PIKFYVE: variants seen among roughly 807,000 people sequenced by gnomAD.
PIKFYVE encodes phosphoinositide kinase, FYVE-type zinc finger containing.
In PIKFYVE, 122 loss-of-function variants were observed where a neutral mutation model predicts 257.9. That is an observed-to-expected ratio of 0.47 (90% CI 0.41 to 0.55). The LOEUF is 0.55. Ranked by LOEUF, PIKFYVE falls within the 20% of genes least tolerant of loss-of-function variation. The pLI is 0.00. For missense variants in PIKFYVE, 2,160 were observed against 2,536.6 expected (o/e 0.85, Z 3.19); for synonymous variants, 892 against 868.9 (o/e 1.03, Z -0.47).
Position 208,357,732 on chromosome 2 carries a change from T to A in PIKFYVE, c.*2427T>A, listed in dbSNP as rs1417787606. 6.6e-6 allele frequency: 1 copy of A among 152,232 alleles called. No individual in the cohort carries two copies. Among genetic ancestry groups the A allele is most frequent in the East Asian group, 1.9e-4 (1 of 5,206 alleles). 9.4% of individuals were successfully genotyped at this position (152,232 alleles called of 1,614,324 possible). A position where few individuals can be genotyped will look rare whatever the true frequency, so the allele number is the denominator to read the frequency against. ...CATAGATATATTTCAAATATTGTAC[T>A]ACTCAGTGTTAAGTATTGAATGACT... On this transcript the variant is annotated 3_prime_UTR_variant, in exon 42 of 42. Transcript: ENST00000264380.
chr2:208,315,982 G>A (rs1164098934), intron 15 of PIKFYVE, among the ~76,000 whole-genome samples: 2 of 149,754 alleles, frequency 1.3e-5, no homozygotes, highest in Non-Finnish European at 3.0e-5. Context: ...CCATTAACTC[G>A]TCATTTAGCA....
At chr2:208,309,710 G>A (rs951095578) in intron 12 of PIKFYVE, among the ~76,000 whole-genome samples, 2 of 152,232 alleles carry the variant, frequency 1.3e-5, no homozygotes, top group African/African-American at 4.8e-5. Flanking sequence ...GTAGTTGGGA[G>A]TAGTGAACTT....
At position 208,304,829 on chromosome 2, in the gene PIKFYVE, C is replaced by T. The variant is rs763642433; in HGVS notation, c.1469-17C>T. 5 of 1,611,434 alleles carry T rather than the reference C, an allele frequency of 3.1e-6. No homozygotes were observed. The South Asian group carries it at 4.4e-5, about 14-fold the overall frequency. ...CCTCCTCTCCCTATATTTCTTTCCC[C>T]TTCCCAACACTAAAAGATTCTGCCA... On this transcript the variant is annotated splice_polypyrimidine_tract_variant and intron_variant, in intron 11 of 41. Transcript: ENST00000264380.
intron 12 of PIKFYVE, among the ~76,000 whole-genome samples, chr2:208,307,558 A>G (rs574450863): frequency 1.9e-4 from 26 of 139,562 alleles, no homozygotes; most frequent in African/African-American, 6.5e-4. Context: ...CTAGATGACT[A>G]TAGTGATAGA....
chr2:208,319,057 G>C (rs573782751), intron 16 of PIKFYVE, among the ~76,000 whole-genome samples: 1 of 151,282 alleles, frequency 6.6e-6, no homozygotes, highest in African/African-American at 2.4e-5. Flanking sequence ...CTCAAACCTT[G>C]CTGTGCTTCA....
chr2:208,316,709 A>G (rs1171607317), intron 15 of PIKFYVE, among the ~76,000 whole-genome samples: 1 of 152,254 alleles, frequency 6.6e-6, no homozygotes, highest in African/African-American at 2.4e-5. Flanking sequence ...AGCTGGAGGC[A>G]TCACGCTACC....
chr2:208,285,614 C>T (rs1460646540), intron 5 of PIKFYVE, 112 bp from the exon 6 acceptor site: 10 of 859,696 alleles, frequency 1.2e-5, no homozygotes, highest in East Asian at 2.5e-5. Flanking sequence ...AAGACATTTC[C>T]GTTATTAGAT....
intron 21 of PIKFYVE, among the ~76,000 whole-genome samples, 187 bp from the exon 22 acceptor site, chr2:208,329,655 A>G (rs1697293181): frequency 6.6e-6 from 1 of 152,224 alleles, no homozygotes; most frequent in Non-Finnish European, 1.5e-5. Flanking sequence ...AGTGAAAAAG[A>G]TGCTTTAGTG....
intron 34 of PIKFYVE, among the ~76,000 whole-genome samples, chr2:208,347,096 G>A (rs1004155814): frequency 4.6e-5 from 7 of 152,140 alleles, no homozygotes; most frequent in African/African-American, 1.4e-4. Context: ...ACCCCACCCC[G>A]CTCCCCTCTT....
intron 17 of PIKFYVE, among the ~76,000 whole-genome samples, chr2:208,323,845 T>A (rs557573640): frequency 2.6e-5 from 4 of 152,372 alleles, no homozygotes. Context: ...TTGATTTGCA[T>A]TTCTCTGATG....
intron 28 of PIKFYVE, among the ~76,000 whole-genome samples, chr2:208,337,152 A>T (rs1383342856): frequency 6.6e-6 from 1 of 152,168 alleles, no homozygotes; most frequent in Non-Finnish European, 1.5e-5. Context: ...AAATGTTTAT[A>T]AAAGCTACAG....
rs754669277 is a variant in PIKFYVE at position 208,336,198 on chromosome 2, C to T, written c.4518C>T (p.Asn1506=). The T allele has an allele frequency of 5.0e-6, 8 of 1,613,908 alleles. No homozygotes were observed. The highest frequency in any genetic ancestry group is 5.1e-6 in the Non-Finnish European group (6 of 1,179,940). Residue 1506 remains asparagine, a splice_region_variant and synonymous_variant, in exon 27 of 42, where the codon AAC becomes AAT. Transcript: ENST00000264380. The part of the protein sequence containing the change: ...SLCEVLQAWN[N]RLQDLFQQEK... ...GTGAAGTGCTGCAAGCTTGGAATAA[C>T]AGGTGTGATTTTGCAGTCTGGTTTT...
At position 208,328,297 on chromosome 2, in the gene PIKFYVE, C is replaced by A; in HGVS notation, c.3719+17C>A. On this transcript the variant is annotated intron_variant, in intron 21 of 41. Transcript: ENST00000264380. ...CAGTCCTTGGTAGGATTCTTTTCCC[C>A]CTACACTATTCCACATAAGAACAGA... 1 of 1,613,248 alleles carries A rather than the reference C, an allele frequency of 6.2e-7. No homozygotes were observed. The highest frequency in any genetic ancestry group is 8.5e-7 in the Non-Finnish European group (1 of 1,179,588).
chr2:208,273,479 C>T (rs761830669), intron 2 of PIKFYVE, 105 bp from the exon 3 acceptor site: 86 of 1,311,476 alleles, frequency 6.6e-5, no homozygotes, highest in Middle Eastern at 4.7e-4. Flanking sequence ...TTTTTAGTTA[C>T]GCATATAATA....
chr2:208,287,689 C>T (rs1167584477), intron 6 of PIKFYVE, among the ~76,000 whole-genome samples: 1 of 152,134 alleles, frequency 6.6e-6, no homozygotes, highest in Non-Finnish European at 1.5e-5. Context: ...CAACCTCCGC[C>T]TCCCAGGTTC....
intron 35 of PIKFYVE, 98 bp downstream of exon 35, chr2:208,348,121 CT>C: frequency 4.1e-6 from 6 of 1,451,824 alleles, no homozygotes; most frequent in Non-Finnish European, 5.7e-6. Flanking sequence ...ATTCTTAGTG[CT>C]GAAACTGGGG....
At chr2:208,347,791 C>T in intron 34 of PIKFYVE, 68 bp from the exon 35 acceptor site, 1 of 1,374,846 alleles carries the variant, frequency 7.3e-7, no homozygotes, top group Non-Finnish European at 1.0e-6. Context: ...AAGAAATGAG[C>T]TGAAAATTTT....
chr2:208,302,878 G>A (rs1426173097), intron 10 of PIKFYVE, among the ~76,000 whole-genome samples: 2 of 152,046 alleles, frequency 1.3e-5, no homozygotes, highest in East Asian at 3.9e-4. Flanking sequence ...TCAGGAGATC[G>A]AGACCATCCT....
chr2:208,336,164 A>G lies in PIKFYVE; in HGVS notation c.4484A>G (p.Gln1495Arg). ...SVFESLIAKKQSLCEVLQAWN... is the reference protein window; with the variant it reads ...SVFESLIAKKRSLCEVLQAWN... ...TTTGAGTCACTCATTGCCAAGAAAC[A>G]AAGTCTCTGTGAAGTGCTGCAAGCT... Residue 1495 changes from glutamine to arginine, a missense_variant, in exon 27 of 42, where the codon CAA becomes CGA. Gln to Arg is a conservative substitution (Grantham distance 43). Coordinates refer to ENST00000264380, the MANE Select transcript of PIKFYVE (RefSeq NM_015040.4). The G allele has an allele frequency of 6.2e-7, 1 of 1,614,090 alleles. No individual in the cohort carries two copies. Among genetic ancestry groups the G allele is most frequent in the East Asian group, 2.2e-5 (1 of 44,860 alleles).
Sources: gnomAD v4.1 joint callset for allele counts (sites outside exome capture counted in the v4.1 genomes callset) on GRCh38, gnomAD v4.1.1 for gene constraint, MANE v1.5 for transcripts, NCBI Gene and HGNC (gene_info 2026-07-23, HGNC 2026-07-21) for gene names.